The following NEGR1 variants were observed in gnomAD, a reference collection of about 807,000 sequenced individuals.
The protein encoded by NEGR1 is neuronal growth regulator 1, also known as IgLON family member 4.
NEGR1 carries 10 observed loss-of-function variants against 40.9 expected under a neutral mutation model. The ratio of observed to expected loss-of-function variants is 0.24; its 90% CI spans 0.15 to 0.42. NEGR1 has a LOEUF of 0.42. NEGR1 is among the 10% of genes least tolerant of loss of function. The probability of loss-of-function intolerance (pLI) is 1.00; values close to 1 mark genes in which losing one functional copy is unlikely to be tolerated. For synonymous variants in NEGR1, 185 were observed against 166.8 expected (o/e 1.11, Z -0.84); for missense variants, 352 against 438.9 (o/e 0.80, Z 1.77).
intron 1 of NEGR1, among the ~76,000 whole-genome samples, chr1:72,135,422 C>A (rs1298287645): frequency 1.6e-4 from 16 of 102,232 alleles, no homozygotes; most frequent in East Asian, 3.1e-4. Context: ...AAAACAAAAC[C>A]AAAAAAAAAA....
intron 5 of NEGR1, among the ~76,000 whole-genome samples, chr1:71,602,119 CT>C (rs1649940358): frequency 6.6e-6 from 1 of 152,078 alleles, no homozygotes; most frequent in South Asian, 2.1e-4. Flanking sequence ...CCTAAGGTGC[CT>C]TTCTAGCCCT....
intron 4 of NEGR1, among the ~76,000 whole-genome samples, chr1:71,630,718 T>C (rs1358182138): frequency 6.6e-6 from 1 of 151,908 alleles, no homozygotes; most frequent in Non-Finnish European, 1.5e-5. Context: ...ATTTGGTAAC[T>C]GAAACAAATG....
intron 1 of NEGR1, among the ~76,000 whole-genome samples, chr1:72,214,045 G>T (rs1653706377): frequency 6.6e-6 from 1 of 152,040 alleles, no homozygotes; most frequent in Non-Finnish European, 1.5e-5. Flanking sequence ...TCCGTGGGAG[G>T]CAAGGCTGGT....
intron 1 of NEGR1, among the ~76,000 whole-genome samples, chr1:72,058,952 G>A (rs1008969552): frequency 6.6e-6 from 1 of 151,376 alleles, no homozygotes. Flanking sequence ...TCTATTGTGG[G>A]GATTGTAAAC....
chr1:71,909,685 T>C (rs1661371283), intron 2 of NEGR1, among the ~76,000 whole-genome samples: 1 of 152,222 alleles, frequency 6.6e-6, no homozygotes, highest in Non-Finnish European at 1.5e-5. Context: ...ATTTATTTTG[T>C]TCCACTTTAC....
At chr1:71,883,758 A>C (rs988441494) in intron 2 of NEGR1, among the ~76,000 whole-genome samples, 2 of 116,058 alleles carry the variant, frequency 1.7e-5, no homozygotes, top group Non-Finnish European at 3.3e-5. Flanking sequence ...CTGGTGTGTG[A>C]TGTTCCCCAT....
chr1:71,754,389 A>G (rs1247557392), intron 3 of NEGR1, among the ~76,000 whole-genome samples: 1 of 152,194 alleles, frequency 6.6e-6, no homozygotes, highest in African/African-American at 2.4e-5. Context: ...CTTATGGTCC[A>G]TTATTATTAT....
intron 6 of NEGR1, among the ~76,000 whole-genome samples, chr1:71,474,678 A>G (rs1394945819): frequency 1.5e-5 from 2 of 135,456 alleles, no homozygotes; most frequent in African/African-American, 5.4e-5. Flanking sequence ...CCATTGTACC[A>G]TTGCACTCAA....
intron 1 of NEGR1, among the ~76,000 whole-genome samples, chr1:72,268,495 A>T (rs948865702): frequency 6.6e-6 from 1 of 151,478 alleles, no homozygotes; most frequent in Admixed American, 6.6e-5. Flanking sequence ...AATTCAATAG[A>T]TGGGAACTTA....
Position 71,397,411 on chromosome 1 carries a change from C to G in NEGR1, c.*10035G>C, listed in dbSNP as rs897624311. ...GCATGATCTCAGCTCACTGCAACCTCTGCCTCCTGGGTTCAAGCAATTCTT... is the reference window on the plus strand; with the variant it reads ...GCATGATCTCAGCTCACTGCAACCTGTGCCTCCTGGGTTCAAGCAATTCTT... On this transcript the variant is annotated 3_prime_UTR_variant, in exon 7 of 7. Transcript: ENST00000357731. 12 of 152,852 alleles carry G rather than the reference C, an allele frequency of 7.9e-5. No homozygotes were observed. Among genetic ancestry groups the G allele is most frequent in the African/African-American group, 2.9e-4 (12 of 41,454 alleles). The allele number at this position is 152,852 out of a possible 1,614,324, so 9.5% of individuals were successfully genotyped here.
chr1:71,783,643 G>T (rs1656798880), intron 2 of NEGR1, among the ~76,000 whole-genome samples: 1 of 152,036 alleles, frequency 6.6e-6, no homozygotes, highest in African/African-American at 2.4e-5. Flanking sequence ...ACAACTTAGG[G>T]GTAAAGAATC....
intron 2 of NEGR1, among the ~76,000 whole-genome samples, chr1:71,854,469 T>A (rs551556257): frequency 7.2e-5 from 11 of 152,156 alleles, no homozygotes; most frequent in East Asian, 1.9e-4. Flanking sequence ...AGATATTTTT[T>A]AAAAAAACAG....
intron 6 of NEGR1, among the ~76,000 whole-genome samples, chr1:71,462,248 G>T (rs906761602): frequency 5.9e-5 from 9 of 152,262 alleles, no homozygotes; most frequent in East Asian, 1.9e-4. Flanking sequence ...ATTTGTTAGA[G>T]ATGCCTTTTA....
At chr1:71,854,730 C>T (rs963066067) in intron 2 of NEGR1, among the ~76,000 whole-genome samples, 4 of 151,986 alleles carry the variant, frequency 2.6e-5, no homozygotes, top group Admixed American at 1.3e-4. Flanking sequence ...AGAGAATCGG[C>T]GCTGAGCAAA....
chr1:71,753,632 C>A (rs971590500), intron 3 of NEGR1, among the ~76,000 whole-genome samples: 2 of 152,154 alleles, frequency 1.3e-5, no homozygotes, highest in Non-Finnish European at 2.9e-5. Context: ...AACAAGATTT[C>A]TCCCCTGAAT....
At chr1:71,984,108 T>C (rs1027202525) in intron 1 of NEGR1, among the ~76,000 whole-genome samples, 6 of 146,348 alleles carry the variant, frequency 4.1e-5, no homozygotes, top group African/African-American at 1.5e-4. Flanking sequence ...CAGTTATCTC[T>C]ATGCTATCCT....
intron 4 of NEGR1, among the ~76,000 whole-genome samples, chr1:71,611,839 C>T (rs2101543370): frequency 6.6e-6 from 1 of 152,344 alleles, no homozygotes; most frequent in East Asian, 1.9e-4. Context: ...TCCCCATGCT[C>T]TTCCCTATTG....
At chr1:71,901,790 C>A (rs1661151191) in intron 2 of NEGR1, among the ~76,000 whole-genome samples, 1 of 151,434 alleles carries the variant, frequency 6.6e-6, no homozygotes, top group African/African-American at 2.4e-5. Context: ...CCTGCCTCAG[C>A]CTCCTGAGTA....
intron 4 of NEGR1, among the ~76,000 whole-genome samples, chr1:71,689,610 G>A (rs1653182665): frequency 6.6e-6 from 1 of 151,908 alleles, no homozygotes; most frequent in Admixed American, 6.6e-5. Context: ...CAGTATATTT[G>A]GTGAGTGATT....
Sources: allele counts gnomAD v4.1 joint callset (sites outside exome capture counted in the v4.1 genomes callset), GRCh38; gene constraint gnomAD v4.1.1; transcripts MANE v1.5; gene names NCBI Gene and HGNC (gene_info 2026-07-23, HGNC 2026-07-21).